ACSL4: variants seen among roughly 807,000 people sequenced by gnomAD.
ACSL4 encodes the protein long-chain-fatty-acid--CoA ligase 4.
Under a neutral mutation model 49.1 loss-of-function variants are expected in ACSL4, and 9 were observed. The observed-to-expected ratio is 0.18, with a 90% CI of 0.11 to 0.32. The LOEUF is 0.32. Among genes scored for constraint, ACSL4 ranks in the 10% least tolerant of loss-of-function variants. The pLI is 1.00. For synonymous variants in ACSL4, 191 were observed against 170.3 expected, an observed-to-expected ratio of 1.12 and a Z score of -0.95; for missense variants, 333 against 493.7, an observed-to-expected ratio of 0.67 and a Z score of 3.08.
intron 1 of ACSL4, among the ~76,000 whole-genome samples, chrX:109,727,024 G>A (rs1928062323): frequency 9.0e-6 from 1 of 110,814 alleles, no homozygotes; most frequent in Admixed American, 9.6e-5. Flanking sequence ...GCCATCACTT[G>A]TCTTTTTAAC....
intron 1 of ACSL4, among the ~76,000 whole-genome samples, chrX:109,724,620 G>T (rs755073463): frequency 1.8e-5 from 2 of 111,287 alleles, no homozygotes; most frequent in Non-Finnish European, 3.8e-5. Flanking sequence ...CTAAATTTTT[G>T]TATTTTTTGG....
intron 15 of ACSL4, 91 bp from the exon 16 acceptor site, chrX:109,644,277 C>G: frequency 1.2e-6 from 1 of 847,173 alleles, no homozygotes; most frequent in Non-Finnish European, 1.6e-6. Flanking sequence ...GAAGGAGAAG[C>G]AATTAATAAA....
intron 11 of ACSL4, among the ~76,000 whole-genome samples, chrX:109,667,323 A>G (rs1922745501): frequency 8.9e-6 from 1 of 112,765 alleles, no homozygotes; most frequent in South Asian, 3.6e-4. Context: ...TGCTTTGGCA[A>G]CTAAATATTC....
intron 9 of ACSL4, among the ~76,000 whole-genome samples, chrX:109,672,953 G>C (rs953874718): frequency 1.8e-5 from 2 of 110,764 alleles, no homozygotes; most frequent in Non-Finnish European, 3.8e-5. Flanking sequence ...TCTCTCATGA[G>C]GCCCTCCAAT....
At chrX:109,699,237 C>T (rs1440157508) in intron 1 of ACSL4, among the ~76,000 whole-genome samples, 1 of 111,702 alleles carries the variant, frequency 9.0e-6, no homozygotes, top group East Asian at 2.8e-4. Context: ...TGTGGTGGTG[C>T]ATGCCTATTA....
At chrX:109,651,475 T>C (rs1292184110) in intron 15 of ACSL4, among the ~76,000 whole-genome samples, 3 of 111,584 alleles carry the variant, frequency 2.7e-5, no homozygotes, top group Non-Finnish European at 3.8e-5. Flanking sequence ...AAATAATCTT[T>C]TAAATATAAA....
chrX:109,673,943 T>C (rs190776244), intron 9 of ACSL4, among the ~76,000 whole-genome samples: 2 of 111,720 alleles, frequency 1.8e-5, no homozygotes, highest in Admixed American at 1.9e-4. Flanking sequence ...CTTTTTTCCT[T>C]TGGGAGCTCT....
intron 11 of ACSL4, among the ~76,000 whole-genome samples, chrX:109,666,882 T>A (rs1269154158): frequency 8.9e-6 from 1 of 111,918 alleles, no homozygotes; most frequent in Non-Finnish European, 1.9e-5. Context: ...GCCACTGCAC[T>A]CCAGCCTGGG....
chrX:109,680,290 A>G (rs1215601394), intron 6 of ACSL4, among the ~76,000 whole-genome samples: 1 of 111,964 alleles, frequency 8.9e-6, no homozygotes, highest in Non-Finnish European at 1.9e-5. Flanking sequence ...GCAGATGTGT[A>G]TAATAACACC....
At chrX:109,694,057 T>G (rs911933203) in intron 2 of ACSL4, among the ~76,000 whole-genome samples, 7 of 112,029 alleles carry the variant, frequency 6.2e-5, no homozygotes, top group Non-Finnish European at 9.4e-5. Flanking sequence ...TTGCTGATAT[T>G]TTAACTTCTT....
intron 14 of ACSL4, among the ~76,000 whole-genome samples, chrX:109,660,298 C>A (rs1481659177): frequency 9.0e-6 from 1 of 111,385 alleles, no homozygotes; most frequent in East Asian, 2.8e-4. Context: ...GACATTTCTC[C>A]AGCGATAATA....
chrX:109,683,088 T>C, intron 3 of ACSL4, 48 bp downstream of exon 3: 1 of 1,148,445 alleles, frequency 8.7e-7, no homozygotes. Flanking sequence ...ATAAAACAAA[T>C]GTGTCTTCCT....
rs1373837900 is a variant in ACSL4, at chrX:109,641,811, T to A, written c.*2218A>T. The A allele has an allele frequency of 8.9e-6, 1 of 112,753 alleles. No homozygotes were observed. Among genetic ancestry groups the A allele is most frequent in the Non-Finnish European group, 1.9e-5 (1 of 53,206 alleles). 9.3% of individuals were successfully genotyped at this position (112,753 alleles called of 1,213,427 possible). A position where few individuals can be genotyped will look rare whatever the true frequency, so the allele number is the denominator to read the frequency against. On this transcript the variant is annotated 3_prime_UTR_variant, in exon 16 of 16. Coordinates refer to ENST00000672401, the MANE Select transcript of ACSL4 (RefSeq NM_001318510.2). ...CAAGTGTTTGACTTAGAAATGTACA[T>A]ATTGTAGTAAATTTTTAAAGTACAA...
chrX:109,732,750 C>T (rs1251091614), intron 1 of ACSL4, among the ~76,000 whole-genome samples: 1 of 111,269 alleles, frequency 9.0e-6, no homozygotes, highest in Non-Finnish European at 1.9e-5. Flanking sequence ...TTTAGGGGCA[C>T]CCTAAAGGTC....
chrX:109,711,538 A>G (rs770722723), intron 1 of ACSL4, among the ~76,000 whole-genome samples: 1 of 112,531 alleles, frequency 8.9e-6, no homozygotes, highest in African/African-American at 3.2e-5. Context: ...CATGAGACTT[A>G]AAAGAGTTGA....
intron 1 of ACSL4, among the ~76,000 whole-genome samples, chrX:109,697,665 T>C (rs1925544943): frequency 1.0e-5 from 1 of 97,129 alleles, no homozygotes; most frequent in African/African-American, 3.7e-5. Flanking sequence ...GGTTATTTCA[T>C]ATGTTCTTAT....
chrX:109,654,802 C>T (rs751779271), intron 15 of ACSL4, among the ~76,000 whole-genome samples: 1 of 112,078 alleles, frequency 8.9e-6, no homozygotes, highest in African/African-American at 3.3e-5. Flanking sequence ...GAAAAGTTCT[C>T]CCGCACCCTA....
rs1366943525 is a variant in ACSL4 at position 109,653,733 on chromosome X, C to T, written c.1855+5621G>A. ...AAAAACCAAACACCGCATGTTCTCACTTATAGATGGGAATTGAACAATGAG... is the reference window on the plus strand; with the variant it reads ...AAAAACCAAACACCGCATGTTCTCATTTATAGATGGGAATTGAACAATGAG... On this transcript the variant is annotated intron_variant, in intron 15 of 15. Coordinates refer to ENST00000672401, the MANE Select transcript of ACSL4 (RefSeq NM_001318510.2). Among the ~76,000 whole-genome samples the T allele has an allele frequency of 5.5e-5, 6 of 109,150 alleles. 1 individual carries two copies. The highest frequency in any genetic ancestry group is 2.0e-4 in the African/African-American group (6 of 29,830). 94.8% of individuals were successfully genotyped at this position (109,150 alleles called of 115,157 possible). A position where few individuals can be genotyped will look rare whatever the true frequency, so the allele number is the denominator to read the frequency against.
chrX:109,686,604 T>C (rs1268882038), intron 2 of ACSL4, among the ~76,000 whole-genome samples: 1 of 111,633 alleles, frequency 9.0e-6, no homozygotes, highest in Non-Finnish European at 1.9e-5. Context: ...AAACAGAAAA[T>C]AGCTTTTGAA....
Sources: gnomAD v4.1 joint callset for allele counts (sites outside exome capture counted in the v4.1 genomes callset) on GRCh38, gnomAD v4.1.1 for gene constraint, MANE v1.5 for transcripts, NCBI Gene and HGNC (gene_info 2026-07-23, HGNC 2026-07-21) for gene names.